The following PAK1 variants were observed in gnomAD, a reference collection of about 807,000 sequenced individuals.
PAK1 encodes p21 (RAC1) activated kinase 1.
PAK1 carries 29 observed loss-of-function variants against 67.4 expected under a neutral mutation model. The observed-to-expected ratio is 0.43, with a 90% confidence interval of 0.32 to 0.59. The LOEUF is 0.59. PAK1 is among the 20% of genes least tolerant of loss of function. PAK1 has a pLI of 0.07. For synonymous variants in PAK1, 223 were observed against 237.4 expected (o/e 0.94, Z 0.56); for missense variants, 337 against 670.7 (o/e 0.50, Z 5.50).
At chr11:77,429,846 T>G (rs1289017732) in intron 1 of PAK1, among the ~76,000 whole-genome samples, 1 of 152,232 alleles carries the variant, frequency 6.6e-6, no homozygotes, top group Non-Finnish European at 1.5e-5. Context: ...TTTCCTGATT[T>G]TGATGGTTGC....
At chr11:77,401,045 T>C (rs926224867) in intron 1 of PAK1, among the ~76,000 whole-genome samples, 2 of 152,174 alleles carry the variant, frequency 1.3e-5, no homozygotes, top group Non-Finnish European at 2.9e-5. Context: ...AAGGAATAGA[T>C]AACCTCTAAT....
chr11:77,338,250 T>A (rs1943047942), intron 11 of PAK1, among the ~76,000 whole-genome samples: 1 of 152,180 alleles, frequency 6.6e-6, no homozygotes, highest in Admixed American at 6.5e-5. Flanking sequence ...AAACTAATTT[T>A]TTAGAAACTT....
chr11:77,402,470 C>G (rs1040103563), intron 1 of PAK1, among the ~76,000 whole-genome samples: 12 of 152,198 alleles, frequency 7.9e-5, no homozygotes, highest in African/African-American at 2.7e-4. Flanking sequence ...AATTCCTAAT[C>G]TGCAACCCCA....
intron 12 of PAK1, 69 bp downstream of exon 12, chr11:77,337,255 A>G (rs1396790319): frequency 1.4e-6 from 1 of 726,322 alleles, no homozygotes; most frequent in Non-Finnish European, 2.4e-6. Flanking sequence ...CTATTATATG[A>G]TGACCATCTC....
At chr11:77,355,625 G>A in intron 7 of PAK1, 43 bp downstream of exon 7, 2 of 1,516,034 alleles carry the variant, frequency 1.3e-6, no homozygotes, top group South Asian at 1.2e-5. Context: ...TGCTTGACCA[G>A]TCATAAAACG....
At chr11:77,518,858 TACAA>T in the PAK1 span, among the ~76,000 whole-genome samples, 1 of 152,206 alleles carries the variant, frequency 6.6e-6, no homozygotes, top group Non-Finnish European at 1.5e-5. Context: ...ACTTTTTTAA[TACAA>T]ACAGTTTAAA....
rs193050901 is a variant in PAK1, at chr11:77,429,655, G to A, written c.-21-37114C>T. On this transcript the variant is annotated intron_variant, in intron 1 of 14. Coordinates refer to ENST00000356341, the MANE Select transcript of PAK1 (RefSeq NM_002576.5). ...TGATATTCTACAAAATAATTGGCCT[G>A]TAATCTTCAGAAGTGTCAAGGTTAT... Among the ~76,000 whole-genome samples the A allele has an allele frequency of 6.6e-4, 101 of 152,306 alleles. 1 individual carries two copies. The highest frequency in any genetic ancestry group is 2.3e-3 in the African/African-American group (95 of 41,562).
chr11:77,345,290 G>A (rs1345623098), intron 9 of PAK1, among the ~76,000 whole-genome samples: 4 of 151,754 alleles, frequency 2.6e-5, no homozygotes, highest in African/African-American at 4.8e-5. Context: ...AAGGAAGATG[G>A]CAAGAGAGAA....
intron 8 of PAK1, chr11:77,353,086 A>C (rs886326042): frequency 6.4e-6 from 1 of 156,574 alleles, no homozygotes; most frequent in African/African-American, 2.4e-5. Flanking sequence ...GGCAGCATAT[A>C]AGATACAGAG....
At chr11:77,469,527 A>G (rs1233826211) in intron 1 of PAK1, among the ~76,000 whole-genome samples, 1 of 152,118 alleles carries the variant, frequency 6.6e-6, no homozygotes, top group African/African-American at 2.4e-5. Context: ...TACTATCCCC[A>G]TTTTACAGTT....
chr11:77,411,838 C>G (rs1205465959), intron 1 of PAK1: 2 of 152,394 alleles, frequency 1.3e-5, no homozygotes, highest in East Asian at 3.9e-4. Flanking sequence ...GCACCTCTCC[C>G]TGCCCAACCG....
chr11:77,431,624 T>G (rs1436289908), intron 1 of PAK1, among the ~76,000 whole-genome samples: 3 of 152,138 alleles, frequency 2.0e-5, no homozygotes, highest in African/African-American at 7.2e-5. Flanking sequence ...AAGAAAGAAG[T>G]AAAGCATCTT....
At chr11:77,513,726 C>T in the PAK1 span, among the ~76,000 whole-genome samples, 1 of 140,794 alleles carries the variant, frequency 7.1e-6, no homozygotes, top group African/African-American at 2.6e-5. Flanking sequence ...CGAGAAGAGA[C>T]TGTGTGCACG....
At chr11:77,527,945 G>C in the PAK1 span, among the ~76,000 whole-genome samples, 1 of 151,902 alleles carries the variant, frequency 6.6e-6, no homozygotes, top group East Asian at 1.9e-4. Context: ...AACCTCTCAG[G>C]CTCAAGTGAT....
chr11:77,446,298 G>A (rs551346419), intron 1 of PAK1, among the ~76,000 whole-genome samples: 1 of 152,050 alleles, frequency 6.6e-6, no homozygotes, highest in Admixed American at 6.5e-5. Flanking sequence ...GATCACCTGA[G>A]GCCAGGAGTT....
chr11:77,452,787 TAAC>T (rs1469563808), intron 1 of PAK1, among the ~76,000 whole-genome samples: 2 of 152,174 alleles, frequency 1.3e-5, no homozygotes, highest in Admixed American at 6.5e-5. Context: ...GCACATCTAA[TAAC>T]AAGCCAAGTA....
intron 1 of PAK1, among the ~76,000 whole-genome samples, chr11:77,403,569 T>G (rs1294570592): frequency 1.3e-5 from 2 of 152,194 alleles, no homozygotes; most frequent in East Asian, 3.8e-4. Context: ...CTGCCTTTTT[T>G]TCCTCTCTTT....
intron 1 of PAK1, among the ~76,000 whole-genome samples, chr11:77,444,449 G>C (rs1956505686): frequency 6.6e-6 from 1 of 152,114 alleles, no homozygotes. Flanking sequence ...CTAACCCCCA[G>C]AGCCACAGAT....
At chr11:77,524,664 T>A in the PAK1 span, among the ~76,000 whole-genome samples, 4 of 152,240 alleles carry the variant, frequency 2.6e-5, no homozygotes, top group Non-Finnish European at 4.4e-5. Context: ...ATTCACAGTA[T>A]GTGGCTTAAG....
Sources: allele counts gnomAD v4.1 joint callset (sites outside exome capture counted in the v4.1 genomes callset), GRCh38; gene constraint gnomAD v4.1.1; transcripts MANE v1.5; gene names NCBI Gene and HGNC (gene_info 2026-07-23, HGNC 2026-07-21).